The following JMY variants were observed in gnomAD, a reference collection of about 807,000 sequenced individuals.
The protein encoded by JMY is junction-mediating and -regulatory protein.
In JMY, 46 loss-of-function variants were observed where a neutral mutation model predicts 103.3. The ratio of observed to expected loss-of-function variants is 0.45; its 90% CI spans 0.35 to 0.57. The LOEUF is 0.57. JMY is among the 20% of genes least tolerant of loss of function. The probability of loss-of-function intolerance (pLI) is 0.00; values close to 1 mark genes in which losing one functional copy is unlikely to be tolerated. For missense variants in JMY, 1,238 were observed against 1,255.2 expected (o/e 0.99, Z 0.21); for synonymous variants, 526 against 489.3 (o/e 1.07, Z -0.99).
intron 2 of JMY, among the ~76,000 whole-genome samples, chr5:79,281,781 C>T (rs989041952): frequency 6.6e-6 from 1 of 152,150 alleles, no homozygotes; most frequent in Non-Finnish European, 1.5e-5. Flanking sequence ...GCTGTCAAAA[C>T]TCATTGAGTT....
chr5:79,296,809 A>C (rs1013166702), intron 4 of JMY, among the ~76,000 whole-genome samples: 1 of 152,256 alleles, frequency 6.6e-6, no homozygotes, highest in Non-Finnish European at 1.5e-5. Context: ...CTAGCACAGT[A>C]GGGTAAAAGG....
At chr5:79,306,018 A>AC (rs1262030702) in intron 6 of JMY, among the ~76,000 whole-genome samples, 6 of 151,948 alleles carry the variant, frequency 3.9e-5, no homozygotes, top group Non-Finnish European at 7.4e-5. Context: ...ACATAGTGAG[A>AC]CCCCCATCTC....
chr5:79,246,847 A>C (rs371015251), intron 1 of JMY, among the ~76,000 whole-genome samples: 3 of 151,846 alleles, frequency 2.0e-5, no homozygotes, highest in South Asian at 2.1e-4. Context: ...GCGGCACTGC[A>C]CTCTAGCCTG....
At position 79,300,246 on chromosome 5, in the gene JMY, C is replaced by G. The variant is rs778853968; in HGVS notation, c.1621C>G (p.Gln541Glu). 6.2e-7 allele frequency: 1 copy of G among 1,603,670 alleles called. No homozygotes were observed. Residue 541 changes from glutamine to glutamate, a missense_variant, in exon 5 of 11, where the codon CAG (glutamine) becomes GAG (glutamate). By Grantham distance (29) the Gln-to-Glu change is conservative (BLOSUM62 2). Transcript: ENST00000396137. Reference sequence around the variant, plus strand: ...TCTGCAACTTCAGTTGTATGAAGTACAGTTTGAAATCTTGAAGTGTGAAGA... The same window carrying G: ...TCTGCAACTTCAGTTGTATGAAGTAGAGTTTGAAATCTTGAAGTGTGAAGA... The part of the protein sequence containing the change: ...YDLQLQLYEV[Q>E]FEILKCEELL...
intron 2 of JMY, among the ~76,000 whole-genome samples, chr5:79,287,484 TAA>T (rs1192702493): frequency 6.6e-6 from 1 of 152,104 alleles, no homozygotes; most frequent in Non-Finnish European, 1.5e-5. Flanking sequence ...TGCTGAGTTT[TAA>T]AAGTCAGTTA....
chr5:79,313,755 C>T (rs571876528), intron 8 of JMY, among the ~76,000 whole-genome samples: 1 of 152,060 alleles, frequency 6.6e-6, no homozygotes, highest in African/African-American at 2.4e-5. Flanking sequence ...TTTGAATTAT[C>T]AATCGTGGAT....
chr5:79,288,300 T>C lies in JMY; in HGVS notation c.1207-1821T>C, dbSNP rs1746325621. ...ATCCCTTAGCAGGCACAAAAATTTT[T>C]AGGCTTTTGCTCAGATTGCTCCTCA... On this transcript the variant is annotated intron_variant, in intron 2 of 10. Transcript: ENST00000396137. 2.0e-5 allele frequency among the ~76,000 whole-genome samples: 3 copies of C among 152,224 alleles called. No homozygotes were observed. The South Asian group carries it at 6.2e-4, about 32-fold the overall frequency.
rs902818236 is a variant in JMY at position 79,282,984 on chromosome 5, GATA to G, written c.1206+4916_1206+4918del. ...CAAACCGGTTATTTCAACAGAGAAT[GATA>G]ATAATAATAATAATTATTATTATTT... On this transcript the variant is annotated intron_variant, in intron 2 of 10. Transcript: ENST00000396137. 1.1e-4 allele frequency among the ~76,000 whole-genome samples: 17 copies of G among 149,008 alleles called. No individual in the cohort carries two copies. The East Asian group carries it at 1.2e-3, about 10-fold the overall frequency.
rs746936628 is a variant in JMY, at chr5:79,300,758, G to A, written c.1776G>A (p.Ala592=). 21 of 1,612,192 alleles carry A rather than the reference G, an allele frequency of 1.3e-5. 1 individual carries two copies. Among genetic ancestry groups the A allele is most frequent in the South Asian group, 4.4e-5 (4 of 90,708 alleles). The change falls in exon 6 of 11, where the codon GCG becomes GCA. Residue 592 remains alanine, a synonymous_variant. Coordinates refer to ENST00000396137, the MANE Select transcript of JMY (RefSeq NM_152405.5). ...AGAAGGAAGAGATGGCAGCATCTGC[G>A]TACTTACAGAGAGAAGAGCTGCAGA... ...MLEKEEMAAS[A]YLQREELQKL...
chr5:79,238,669 A>C (rs1294254801), intron 1 of JMY, among the ~76,000 whole-genome samples: 1 of 53,190 alleles, frequency 1.9e-5, no homozygotes, highest in Non-Finnish European at 4.1e-5. Context: ...TTTTTTTTGG[A>C]AGCAGTTTTG....
At chr5:79,253,013 G>A (rs1231837727) in intron 1 of JMY, among the ~76,000 whole-genome samples, 1 of 151,862 alleles carries the variant, frequency 6.6e-6, no homozygotes, top group Non-Finnish European at 1.5e-5. Context: ...TTTTATTGAA[G>A]GTGATTTTTT....
At chr5:79,254,812 C>T (rs1745188821) in intron 1 of JMY, among the ~76,000 whole-genome samples, 1 of 151,878 alleles carries the variant, frequency 6.6e-6, no homozygotes, top group Admixed American at 6.6e-5. Flanking sequence ...TTAAATCCTG[C>T]AGTCACACTT....
At position 79,236,864 on chromosome 5, in the gene JMY, G is replaced by C. The variant is rs1173716062; in HGVS notation, c.214G>C (p.Gly72Arg). 1.2e-5 allele frequency: 17 copies of C among 1,438,254 alleles called. No homozygotes were observed. Among genetic ancestry groups the C allele is most frequent in the Non-Finnish European group, 1.6e-5 (17 of 1,090,880 alleles). 89.1% of individuals were successfully genotyped at this position (1,438,254 alleles called of 1,614,324 possible). A position where few individuals can be genotyped will look rare whatever the true frequency, so the allele number is the denominator to read the frequency against. ...GGCGCGAGGGGGCGCCGAGGCCGGC[G>C]GAGCTGCGTCCGACGGGAGCCGCGG... is the stretch of plus-strand genomic sequence containing the variant. ...AGARGGAEAG[G>R]AASDGSRGPG... Residue 72 changes from glycine (G) to arginine (R), a missense_variant, in exon 1 of 11, where the codon GGA (glycine) becomes CGA (arginine). Gly to Arg is a moderately radical substitution (Grantham distance 125). Coordinates refer to ENST00000396137, the MANE Select transcript of JMY (RefSeq NM_152405.5).
chr5:79,312,560 T>A, intron 8 of JMY, 62 bp downstream of exon 8: 1 of 802,628 alleles, frequency 1.2e-6, no homozygotes, highest in Non-Finnish European at 1.9e-6. Context: ...CAGAGCTACA[T>A]ATACACCTGT....
At chr5:79,297,712 ATTG>A (rs1561309211) in intron 4 of JMY, among the ~76,000 whole-genome samples, 1 of 151,984 alleles carries the variant, frequency 6.6e-6, no homozygotes, top group Non-Finnish European at 1.5e-5. Context: ...CCACTGACCT[ATTG>A]TTTGTCCTTT....
chr5:79,306,105 C>T (rs1471016496), intron 6 of JMY, among the ~76,000 whole-genome samples: 1 of 152,124 alleles, frequency 6.6e-6, no homozygotes, highest in Non-Finnish European at 1.5e-5. Flanking sequence ...CAGGACAACC[C>T]CCTTCAGTCC....
At chr5:79,291,906 A>G in intron 4 of JMY, among the ~76,000 whole-genome samples, 1 of 152,204 alleles carries the variant, frequency 6.6e-6, no homozygotes, top group East Asian at 1.9e-4. Context: ...AGAAGAACAA[A>G]TCATCATCTC....
At chr5:79,288,827 G>C (rs1746343375) in intron 2 of JMY, among the ~76,000 whole-genome samples, 1 of 151,812 alleles carries the variant, frequency 6.6e-6, no homozygotes. Flanking sequence ...GTCTGTCTGG[G>C]AGCAAAAGGA....
rs191563478 is a variant in JMY, at chr5:79,277,473, A to T, written c.1033-437A>T. 2.4e-3 allele frequency among the ~76,000 whole-genome samples: 361 copies of T among 151,668 alleles called. 1 individual carries two copies. The highest frequency in any genetic ancestry group is 7.8e-3 in the African/African-American group (322 of 41,182). ...GAGACCCCGTCTCTACAAAAAAAAA[A>T]AAATATATACAATAACTAGCCAGGT... On this transcript the variant is annotated intron_variant, in intron 1 of 10. Transcript: ENST00000396137.
Sources: gnomAD v4.1 joint callset for allele counts (sites outside exome capture counted in the v4.1 genomes callset) on GRCh38, gnomAD v4.1.1 for gene constraint, MANE v1.5 for transcripts, NCBI Gene and HGNC (gene_info 2026-07-23, HGNC 2026-07-21) for gene names.